Variants in VGLL3 observed in about 807,000 individuals in gnomAD.
VGLL3 encodes the protein vestigial like family member 3, also known as transcription cofactor vestigial-like protein 3.
VGLL3 carries 18 observed loss-of-function variants against 29.2 expected under a neutral mutation model. That is an observed-to-expected ratio of 0.62 (90% CI 0.43 to 0.91). The LOEUF (loss-of-function observed/expected upper bound fraction) is 0.91. Ranked by LOEUF, VGLL3 falls within the 40% of genes least tolerant of loss-of-function variation. The pLI is 0.00. For missense variants in VGLL3, 440 were observed against 413.2 expected (o/e 1.06, Z -0.56); for synonymous variants, 180 against 151.8 (o/e 1.19, Z -1.36).
In VGLL3 at chr3:86,969,100, G is replaced by A. The variant is rs200777627; in HGVS notation, c.427C>T (p.Arg143Trp). ...WRDSSALSSQ[R>W]NSFPTSFWTS... ...CAAAAGGAAGTTGGGAAACTATTCC[G>A]CTGGCTTGAGAGAGCTGAGCTGTCT... is the stretch of plus-strand genomic sequence containing the variant. Residue 143 changes from arginine (R) to tryptophan (W), a missense_variant, in exon 3 of 4, where the codon CGG (arginine) becomes TGG (tryptophan). Arg to Trp is a moderately radical substitution (Grantham distance 101). Transcript: ENST00000398399. 2.7e-5 allele frequency: 44 copies of A among 1,603,546 alleles called. No homozygotes were observed. Among genetic ancestry groups the A allele is most frequent in the African/African-American group, 5.3e-5 (4 of 74,810 alleles).
intron 1 of VGLL3, among the ~76,000 whole-genome samples, chr3:86,981,756 G>A (rs1447148904): frequency 4.6e-5 from 7 of 152,104 alleles, no homozygotes; most frequent in South Asian, 2.1e-4. Context: ...AATGTCTACC[G>A]TTGCCACTTG....
At chr3:86,968,499 C>T (rs1339546859) in intron 3 of VGLL3, 91 bp downstream of exon 3, 3 of 1,409,284 alleles carry the variant, frequency 2.1e-6, no homozygotes, top group African/African-American at 1.4e-5. Context: ...TTTAACTTTA[C>T]AGATAAGAAA....
chr3:86,968,574 A>G lies in VGLL3; in HGVS notation c.937+16T>C. 1 of 1,591,228 alleles carries G rather than the reference A, an allele frequency of 6.3e-7. No homozygotes were observed. The highest frequency in any genetic ancestry group is 8.6e-7 in the Non-Finnish European group (1 of 1,167,062). On this transcript the variant is annotated intron_variant, in intron 3 of 3. Coordinates refer to ENST00000398399, the MANE Select transcript of VGLL3 (RefSeq NM_016206.4). ...ACTTTATCTTGTTATAGGAAGAAAG[A>G]AATCCAGCAGCTTACCTGTATCGAA...
chr3:86,948,482 G>A (rs1393927128), intron 3 of VGLL3, among the ~76,000 whole-genome samples: 2 of 151,944 alleles, frequency 1.3e-5, no homozygotes, highest in African/African-American at 4.8e-5. Flanking sequence ...TCTACAAAAC[G>A]GACTACACAA....
intron 3 of VGLL3, among the ~76,000 whole-genome samples, chr3:86,949,381 C>G (rs1284221436): frequency 2.6e-5 from 4 of 152,020 alleles, no homozygotes; most frequent in South Asian, 4.2e-4. Context: ...TCTAATGGAC[C>G]CTTGTGGTTA....
chr3:86,968,540 C>A lies in VGLL3; in HGVS notation c.937+50G>T, dbSNP rs1705010920. 2.0e-6 allele frequency: 3 copies of A among 1,532,928 alleles called. No homozygotes were observed. In the East Asian group the frequency reaches 6.8e-5, roughly 35 times the overall value. 95.0% of individuals were successfully genotyped at this position (1,532,928 alleles called of 1,614,324 possible). ...ATTTCAAAACAAATTTCCACCCTTTCTTAAATTAACTTTATCTTGTTATAG... is the reference window on the plus strand; with the variant it reads ...ATTTCAAAACAAATTTCCACCCTTTATTAAATTAACTTTATCTTGTTATAG... On this transcript the variant is annotated intron_variant, in intron 3 of 3. Transcript: ENST00000398399.
At chr3:86,947,957 T>G (rs1332920132) in intron 3 of VGLL3, among the ~76,000 whole-genome samples, 3 of 152,258 alleles carry the variant, frequency 2.0e-5, no homozygotes, top group African/African-American at 7.2e-5. Flanking sequence ...TTTTGTTTTT[T>G]TTTTCTTTCC....
Position 86,978,719 on chromosome 3 carries a change from C to CTCCTCCTCA in VGLL3, c.201_209dup (p.Asp67_Glu69dup), listed in dbSNP as rs1559732313. On this transcript the variant is annotated inframe_insertion, in exon 2 of 4. Coordinates refer to ENST00000398399, the MANE Select transcript of VGLL3 (RefSeq NM_016206.4). ...CAGGCTGGTCTTTCTCCTCCTCCTCCTCCTCCTCATCCTCCTCCTCTTGTT... is the reference window on the plus strand; with the variant it reads ...CAGGCTGGTCTTTCTCCTCCTCCTCCTCCTCCTCATCCTCCTCATCCTCCTCCTCTTGTT... The CTCCTCCTCA allele has an allele frequency of 6.2e-7, 1 of 1,613,950 alleles. No individual in the cohort carries two copies. The highest frequency in any genetic ancestry group is 8.5e-7 in the Non-Finnish European group (1 of 1,180,014).
intron 3 of VGLL3, among the ~76,000 whole-genome samples, chr3:86,967,226 C>G (rs1704983560): frequency 6.6e-6 from 1 of 152,094 alleles, no homozygotes; most frequent in Non-Finnish European, 1.5e-5. Flanking sequence ...GACCTGCTGT[C>G]CATGAAGGCA....
chr3:86,968,099 T>C (rs1046529578), intron 3 of VGLL3, among the ~76,000 whole-genome samples: 1 of 151,948 alleles, frequency 6.6e-6, no homozygotes, highest in Admixed American at 6.6e-5. Flanking sequence ...AAGAAAAAAA[T>C]CATTCTTTTA....
intron 2 of VGLL3, among the ~76,000 whole-genome samples, chr3:86,971,855 A>G (rs938629448): frequency 4.6e-5 from 7 of 152,124 alleles, no homozygotes; most frequent in African/African-American, 1.4e-4. Flanking sequence ...GCTACCACAC[A>G]TCTGCCACTT....
intron 2 of VGLL3, among the ~76,000 whole-genome samples, chr3:86,974,462 C>T (rs1431236113): frequency 6.6e-6 from 1 of 152,080 alleles, no homozygotes; most frequent in Non-Finnish European, 1.5e-5. Context: ...TCTTTCAACC[C>T]TGTTAGAATA....
At chr3:86,973,027 A>G (rs1705135891) in intron 2 of VGLL3, among the ~76,000 whole-genome samples, 1 of 152,080 alleles carries the variant, frequency 6.6e-6, no homozygotes, top group African/African-American at 2.4e-5. Flanking sequence ...CAATTTCACA[A>G]TAGTGGGATA....
At chr3:86,989,313 A>T (rs1199029330) in intron 1 of VGLL3, among the ~76,000 whole-genome samples, 1 of 151,926 alleles carries the variant, frequency 6.6e-6, no homozygotes, top group African/African-American at 2.4e-5. Flanking sequence ...GCTGCTGAAT[A>T]TTTTTTTTAA....
intron 1 of VGLL3, among the ~76,000 whole-genome samples, chr3:86,988,640 CAAAAAA>C (rs869098443): frequency 1.5e-4 from 2 of 13,766 alleles, no homozygotes; most frequent in Non-Finnish European, 2.9e-4. Context: ...TTTACTTGAC[CAAAAAA>C]AAAAAAAAAA....
chr3:86,990,270 A>G, intron 1 of VGLL3: 1 of 976,492 alleles, frequency 1.0e-6, no homozygotes, highest in Non-Finnish European at 1.2e-6. Context: ...CAAATAAACA[A>G]AATAGTTGGT....
rs1208674830 is a variant in VGLL3, at chr3:86,940,775, C to T, written c.*6249G>A. 6.6e-6 allele frequency: 1 copy of T among 151,584 alleles called. No individual in the cohort carries two copies. The highest frequency in any genetic ancestry group is 1.5e-5 in the Non-Finnish European group (1 of 67,824). 9.4% of individuals were successfully genotyped at this position (151,584 alleles called of 1,614,324 possible). A position where few individuals can be genotyped will look rare whatever the true frequency, so the allele number is the denominator to read the frequency against. ...TGAATAGAAATAAGAAAATGTTTTC[C>T]CAACCCCACAAAAACAGAAAAAAAT... On this transcript the variant is annotated 3_prime_UTR_variant, in exon 4 of 4. Coordinates refer to ENST00000398399, the MANE Select transcript of VGLL3 (RefSeq NM_016206.4).
At position 86,981,919 on chromosome 3, in the gene VGLL3, A is replaced by G. The variant is rs1705333706; in HGVS notation, c.127-3117T>C. ...GTACTGGTTAAAATAAGAATCTCAA[A>G]GTATCCAAATGGCCTGATAACTCAC... On this transcript the variant is annotated intron_variant, in intron 1 of 3. Coordinates refer to ENST00000398399, the MANE Select transcript of VGLL3 (RefSeq NM_016206.4). Among the ~76,000 whole-genome samples the G allele has an allele frequency of 2.6e-5, 4 of 152,190 alleles. No homozygotes were observed. In the South Asian group the frequency reaches 6.2e-4, roughly 24 times the overall value.
In VGLL3 at chr3:86,941,247, C is replaced by G; in HGVS notation, c.*5777G>C. 1 of 152,102 alleles carries G rather than the reference C, an allele frequency of 6.6e-6. No individual in the cohort carries two copies. The highest frequency in any genetic ancestry group is 6.6e-5 in the Admixed American group (1 of 15,222). 9.4% of individuals were successfully genotyped at this position (152,102 alleles called of 1,614,324 possible). A position where few individuals can be genotyped will look rare whatever the true frequency, so the allele number is the denominator to read the frequency against. ...ATATAATATCCAATATTATACATAT[C>G]CTAAGAAATTAAATCAATTGTGTAA... On this transcript the variant is annotated 3_prime_UTR_variant, in exon 4 of 4. Transcript: ENST00000398399.
Sources: gnomAD v4.1 joint callset for allele counts (sites outside exome capture counted in the v4.1 genomes callset) on GRCh38, gnomAD v4.1.1 for gene constraint, MANE v1.5 for transcripts, NCBI Gene and HGNC (gene_info 2026-07-23, HGNC 2026-07-21) for gene names.